FRMPD4: variants seen among roughly 807,000 people sequenced by gnomAD.
FRMPD4 encodes the protein FERM and PDZ domain containing 4.
In FRMPD4, 22 loss-of-function variants were observed where a neutral mutation model predicts 94.1. That is an observed-to-expected ratio of 0.23 (90% CI 0.17 to 0.33). FRMPD4 has a LOEUF of 0.33. Among genes scored for constraint, FRMPD4 ranks in the 10% least tolerant of loss-of-function variants. The pLI is 1.00. For missense variants in FRMPD4, 1,111 were observed against 1,339.9 expected (o/e 0.83, Z 2.67); for synonymous variants, 631 against 548.6 (o/e 1.15, Z -2.10).
intron 1 of FRMPD4, among the ~76,000 whole-genome samples, chrX:12,170,250 G>A (rs961391638): frequency 2.8e-5 from 3 of 106,185 alleles, no homozygotes; most frequent in Non-Finnish European, 5.8e-5. Context: ...TGAAATAGTT[G>A]GTTGCTTGAA....
chrX:12,138,189 C>T (rs1486437511), upstream of FRMPD4, among the ~76,000 whole-genome samples: 1 of 112,558 alleles, frequency 8.9e-6, no homozygotes. Context: ...CTTCCCTTCC[C>T]CTTGACAAAC....
intron 2 of FRMPD4, among the ~76,000 whole-genome samples, chrX:12,520,757 G>A (rs184840981): frequency 2.3e-3 from 256 of 112,117 alleles, no homozygotes; most frequent in African/African-American, 7.8e-3. Context: ...TCACTGATTG[G>A]ACTGGTGGAA....
chrX:12,522,218 A>T, intron 2 of FRMPD4, among the ~76,000 whole-genome samples: 4 of 111,931 alleles, frequency 3.6e-5, no homozygotes, highest in Non-Finnish European at 7.5e-5. Context: ...TCTTTGTGCT[A>T]AGTTTCAAGG....
chrX:11,991,414 G>A (rs2054463516), intron 3 of FRMPD4, among the ~76,000 whole-genome samples: 1 of 111,718 alleles, frequency 9.0e-6, no homozygotes, highest in African/African-American at 3.3e-5. Flanking sequence ...AGCTCTTATC[G>A]TTGCCTATAA....
chrX:12,257,917 G>A (rs774214770), intron 1 of FRMPD4, among the ~76,000 whole-genome samples: 5 of 108,372 alleles, frequency 4.6e-5, no homozygotes, highest in African/African-American at 6.7e-5. Context: ...TCGCGGTGTC[G>A]TGCCTACTCT....
intron 1 of FRMPD4, among the ~76,000 whole-genome samples, chrX:12,463,700 T>TG (rs1475460831): frequency 1.0e-5 from 1 of 98,213 alleles, no homozygotes; most frequent in African/African-American, 3.7e-5. Context: ...TTGTTTTTGT[T>TG]TTTTTTTTTT....
intron 1 of FRMPD4, among the ~76,000 whole-genome samples, chrX:12,146,967 T>A (rs2055777961): frequency 8.9e-6 from 1 of 112,104 alleles, no homozygotes; most frequent in Non-Finnish European, 1.9e-5. Context: ...GTGACAGGTT[T>A]TTAAGGGCTA....
At chrX:12,230,963 TAA>T (rs57033064) in intron 1 of FRMPD4, among the ~76,000 whole-genome samples, 3,498 of 73,105 alleles carry the variant, frequency 0.048, 266 homozygotes, top group African/African-American at 0.18. Context: ...GTATATATAG[TAA>T]ATATATAGTA....
At chrX:12,505,310 C>G (rs1285320949) in intron 2 of FRMPD4, among the ~76,000 whole-genome samples, 2 of 111,854 alleles carry the variant, frequency 1.8e-5, no homozygotes, top group Non-Finnish European at 3.8e-5. Context: ...GAAATTCTGG[C>G]CTGTGCCAAA....
intron 3 of FRMPD4, among the ~76,000 whole-genome samples, chrX:11,884,606 C>T (rs2053834984): frequency 1.8e-5 from 2 of 111,128 alleles, no homozygotes; most frequent in African/African-American, 6.6e-5. Context: ...TACACACAAA[C>T]ACACATACAC....
chrX:12,192,844 G>GA (rs1319909130), intron 1 of FRMPD4, among the ~76,000 whole-genome samples: 1 of 111,536 alleles, frequency 9.0e-6, no homozygotes, highest in African/African-American at 3.3e-5. Flanking sequence ...CTGATCCAGG[G>GA]ACCACACTTT....
intron 7 of FRMPD4, among the ~76,000 whole-genome samples, chrX:12,687,789 G>A (rs1485643628): frequency 8.9e-6 from 1 of 112,059 alleles, no homozygotes; most frequent in Non-Finnish European, 1.9e-5. Context: ...TATGCATCAA[G>A]TACTGCCAAC....
At chrX:12,143,961 C>A (rs962430135) in intron 1 of FRMPD4, among the ~76,000 whole-genome samples, 3 of 111,737 alleles carry the variant, frequency 2.7e-5, no homozygotes, top group Non-Finnish European at 5.6e-5. Context: ...TGGAGAGTTG[C>A]TTGTTAAGGT....
intron 1 of FRMPD4, among the ~76,000 whole-genome samples, chrX:12,450,863 C>CA (rs5901475): frequency 0.053 from 2,601 of 49,499 alleles, 117 homozygotes; most frequent in African/African-American, 0.12. Flanking sequence ...TCTATTTATC[C>CA]AAAAAAAAAA....
intron 1 of FRMPD4, among the ~76,000 whole-genome samples, chrX:12,237,276 A>G (rs2057081230): frequency 9.0e-6 from 1 of 110,598 alleles, no homozygotes; most frequent in South Asian, 3.8e-4. Flanking sequence ...TTTGTTTTGT[A>G]GCTGCATTAG....
intron 4 of FRMPD4, among the ~76,000 whole-genome samples, chrX:12,657,625 G>A: frequency 8.9e-6 from 1 of 112,303 alleles, no homozygotes; most frequent in Non-Finnish European, 1.9e-5. Flanking sequence ...CTGAGCATCA[G>A]AAAGTGCAGA....
At chrX:12,103,633 G>A (rs1407673698) in intron 3 of FRMPD4, among the ~76,000 whole-genome samples, 2 of 111,592 alleles carry the variant, frequency 1.8e-5, no homozygotes, top group Non-Finnish European at 3.8e-5. Flanking sequence ...TAGTTTGTAG[G>A]CTCCTGCTTC....
At chrX:11,856,380 G>A (rs188145229) in intron 1 of FRMPD4, among the ~76,000 whole-genome samples, 125 of 111,824 alleles carry the variant, frequency 1.1e-3, no homozygotes, top group African/African-American at 3.7e-3. Flanking sequence ...CTTCATTCCC[G>A]GGATGCAAGG....
At chrX:12,244,046 T>C (rs751627887) in intron 1 of FRMPD4, among the ~76,000 whole-genome samples, 1 of 110,564 alleles carries the variant, frequency 9.0e-6, no homozygotes, top group East Asian at 2.8e-4. Context: ...TCCTGTTAAG[T>C]TGCCCTACCA....
Sources: gnomAD v4.1 joint callset for allele counts (sites outside exome capture counted in the v4.1 genomes callset) on GRCh38, gnomAD v4.1.1 for gene constraint, MANE v1.5 for transcripts, NCBI Gene and HGNC (gene_info 2026-07-23, HGNC 2026-07-21) for gene names.